NIN: variants seen among roughly 807,000 people sequenced by gnomAD.
NIN encodes the protein glycogen synthase kinase 3 beta-interacting protein.
In NIN, 137 loss-of-function variants were observed where a neutral mutation model predicts 257.6. The observed-to-expected ratio is 0.53, with a 90% confidence interval of 0.46 to 0.61. The LOEUF is 0.61. Among genes scored for constraint, NIN ranks in the 20% least tolerant of loss-of-function variants. The probability of loss-of-function intolerance (pLI) is 0.00; values close to 1 mark genes in which losing one functional copy is unlikely to be tolerated. For synonymous variants in NIN, 918 were observed against 919.8 expected (o/e 1.00, Z 0.04); for missense variants, 2,439 against 2,501.2 (o/e 0.98, Z 0.53).
chr14:50,796,228 C>G (rs542952068), intron 4 of NIN, among the ~76,000 whole-genome samples: 5 of 152,218 alleles, frequency 3.3e-5, no homozygotes, highest in African/African-American at 1.2e-4. Flanking sequence ...TGTCTCAGAC[C>G]CCATCCCTGG....
intron 29 of NIN, chr14:50,727,103 G>C (rs2040445468): frequency 9.3e-6 from 3 of 321,484 alleles, no homozygotes; most frequent in Non-Finnish European, 1.3e-5. Context: ...AAAAATAATA[G>C]CTTTTTAAAG....
At chr14:50,734,792 T>C (rs965464181) in intron 28 of NIN, among the ~76,000 whole-genome samples, 5 of 152,110 alleles carry the variant, frequency 3.3e-5, no homozygotes, top group Middle Eastern at 3.4e-3. Context: ...CAATCCTGTC[T>C]CAGCCTCTCA....
chr14:50,747,780 T>G (rs1327787657), intron 22 of NIN, among the ~76,000 whole-genome samples: 1 of 151,708 alleles, frequency 6.6e-6, no homozygotes, highest in African/African-American at 2.4e-5. Flanking sequence ...ACAACATATA[T>G]AAGTTAGACA....
chr14:50,777,232 AC>A (rs2141869913), intron 6 of NIN, 93 bp from the exon 7 acceptor site: 1 of 1,023,998 alleles, frequency 9.8e-7, no homozygotes, highest in East Asian at 2.5e-5. Context: ...GAAAATAAAT[AC>A]TGTAAGAAAA....
intron 28 of NIN, 120 bp downstream of exon 28, chr14:50,735,396 G>T: frequency 7.3e-7 from 1 of 1,360,656 alleles, no homozygotes; most frequent in Non-Finnish European, 9.7e-7. Flanking sequence ...AATTCAACTT[G>T]GCAGTGTACT....
chr14:50,826,645 G>C (rs1340380083), intron 2 of NIN, among the ~76,000 whole-genome samples: 2 of 152,162 alleles, frequency 1.3e-5, no homozygotes, highest in South Asian at 2.1e-4. Context: ...AAAGGAGCTT[G>C]TAACAATGAC....
intron 27 of NIN, among the ~76,000 whole-genome samples, chr14:50,736,392 C>A (rs1468996352): frequency 6.6e-6 from 1 of 152,112 alleles, no homozygotes; most frequent in Non-Finnish European, 1.5e-5. Flanking sequence ...CCACCTCGGC[C>A]TCCCAAAGTG....
Position 50,752,550 on chromosome 14 carries a change from G to C in NIN, c.4918C>G (p.Leu1640Val), listed in dbSNP as rs759119858. 1.2e-6 allele frequency: 2 copies of C among 1,614,018 alleles called. No homozygotes were observed. The highest frequency in any genetic ancestry group is 1.7e-6 in the Non-Finnish European group (2 of 1,179,960). The change falls in exon 21 of 31, where the codon CTG becomes GTG. Residue 1640 changes from leucine (L) to valine (V), a missense_variant. By Grantham distance (32) the Leu-to-Val change is conservative (BLOSUM62 1). Coordinates refer to ENST00000530997, the MANE Select transcript of NIN (RefSeq NM_020921.4). ...TTACAACGTTCCAGTTCTTCTTTCA[G>C]ATTAAACTTCTCTTGTTCCCGTTCC... is the stretch of plus-strand genomic sequence containing the variant. ...LEEREQEKFNLKEELERCKVQ... is the reference protein window; with the variant it reads ...LEEREQEKFNVKEELERCKVQ...
At chr14:50,805,104 C>G (rs2044264022) in intron 4 of NIN, among the ~76,000 whole-genome samples, 1 of 152,214 alleles carries the variant, frequency 6.6e-6, no homozygotes, top group African/African-American at 2.4e-5. Flanking sequence ...GCAGGACCGC[C>G]TGTTCCAAAT....
intron 18 of NIN, among the ~76,000 whole-genome samples, chr14:50,755,617 C>T (rs987785987): frequency 4.8e-5 from 6 of 123,888 alleles, no homozygotes; most frequent in Admixed American, 2.4e-4. Flanking sequence ...ATTATATGTT[C>T]TAAGATAAAT....
chr14:50,797,297 G>T (rs1434129368), intron 4 of NIN, among the ~76,000 whole-genome samples: 1 of 152,164 alleles, frequency 6.6e-6, no homozygotes, highest in African/African-American at 2.4e-5. Context: ...AGAAAACCCT[G>T]TCGTTAGGGT....
At chr14:50,803,178 C>A (rs751691875) in intron 4 of NIN, among the ~76,000 whole-genome samples, 1 of 152,070 alleles carries the variant, frequency 6.6e-6, no homozygotes, top group Non-Finnish European at 1.5e-5. Flanking sequence ...ATGGTGAAAC[C>A]CCATCTCTGC....
At chr14:50,770,717 A>T in intron 11 of NIN, 135 bp downstream of exon 11, 1 of 1,327,976 alleles carries the variant, frequency 7.5e-7, no homozygotes. Context: ...ACCACATCTG[A>T]GTCACTCCAG....
chr14:50,750,055 A>G (rs1017806381), intron 21 of NIN, among the ~76,000 whole-genome samples: 2 of 152,052 alleles, frequency 1.3e-5, no homozygotes, highest in Middle Eastern at 3.2e-3. Flanking sequence ...ACTATCATTT[A>G]TTTTGGTGAT....
Position 50,723,548 on chromosome 14 carries a change from A to G in NIN, c.6317T>C (p.Leu2106Pro), listed in dbSNP as rs374754642. The G allele has an allele frequency of 1.2e-6, 2 of 1,613,794 alleles. No homozygotes were observed. Among genetic ancestry groups the G allele is most frequent in the African/African-American group, 1.3e-5 (1 of 74,916 alleles). Reference protein sequence around the residue: ...QKTAEKKNYLLEEKIASLSNI... With the variant: ...QKTAEKKNYLPEEKIASLSNI... Reference sequence around the variant, plus strand: ...ACTGAGGCTGGCAATCTTCTCCTCCAGGAGGTAATTTTTCTTCTCTGCTGT... The same window carrying G: ...ACTGAGGCTGGCAATCTTCTCCTCCGGGAGGTAATTTTTCTTCTCTGCTGT... Residue 2106 changes from leucine (L) to proline (P), a missense_variant, in exon 31 of 31, where the codon CTG (leucine) becomes CCG (proline). Leu to Pro is a moderately conservative substitution (Grantham distance 98, BLOSUM62 -3). Transcript: ENST00000530997.
In NIN at chr14:50,722,472, G is replaced by A. The variant is rs1219207773; in HGVS notation, c.*991C>T. On this transcript the variant is annotated 3_prime_UTR_variant, in exon 31 of 31. Coordinates refer to ENST00000530997, the MANE Select transcript of NIN (RefSeq NM_020921.4). ...TTCTAGTATGGCTGTAAATATATAA[G>A]ACAAATAAATGAGGTCACATGGTTT... is the stretch of plus-strand genomic sequence containing the variant. 1.9e-5 allele frequency: 4 copies of A among 210,462 alleles called. No homozygotes were observed. Among genetic ancestry groups the A allele is most frequent in the Non-Finnish European group, 2.9e-5 (3 of 103,502 alleles). The allele number at this position is 210,462 out of a possible 1,614,324, so 13.0% of individuals were successfully genotyped here.
rs542119868 is a variant in NIN, at chr14:50,794,478, G to A, written c.266-1597C>T. The A allele has an allele frequency of 8.3e-4, 832 of 999,890 alleles. 16 individuals carry two copies. In the South Asian group the frequency reaches 0.033, roughly 40 times the overall value. The allele number at this position is 999,890 out of a possible 1,614,324, so 61.9% of individuals were successfully genotyped here. A position where few individuals can be genotyped will look rare whatever the true frequency, so the allele number is the denominator to read the frequency against. On this transcript the variant is annotated intron_variant, in intron 4 of 30. Coordinates refer to ENST00000530997, the MANE Select transcript of NIN (RefSeq NM_020921.4). ...TGTGTCAGCTTGTGACCATTCAGGA[G>A]CGGCCCAGACACCCGAGCTACTTGT...
At chr14:50,784,123 A>C (rs1229670225) in intron 5 of NIN, among the ~76,000 whole-genome samples, 1 of 152,228 alleles carries the variant, frequency 6.6e-6, no homozygotes, top group Non-Finnish European at 1.5e-5. Context: ...CTCTGGAGGC[A>C]CAGTTGTAGA....
intron 3 of NIN, among the ~76,000 whole-genome samples, chr14:50,816,837 T>C (rs1303004599): frequency 6.6e-6 from 1 of 152,180 alleles, no homozygotes; most frequent in East Asian, 1.9e-4. Context: ...CCCTGCCTGT[T>C]CTAAGTCCAG....
Sources: gnomAD v4.1 joint callset for allele counts (sites outside exome capture counted in the v4.1 genomes callset) on GRCh38, gnomAD v4.1.1 for gene constraint, MANE v1.5 for transcripts, NCBI Gene and HGNC (gene_info 2026-07-23, HGNC 2026-07-21) for gene names.